PPFIBP1: variants seen among roughly 807,000 people sequenced by gnomAD.
PPFIBP1 encodes the protein liprin-beta-1.
A neutral mutation model predicts 137.8 loss-of-function variants in PPFIBP1; 112 were observed. The observed-to-expected ratio is 0.81, with a 90% CI of 0.70 to 0.95. PPFIBP1 has a LOEUF of 0.95. PPFIBP1 is among the 40% of genes least tolerant of loss of function. PPFIBP1 has a pLI of 0.00. For synonymous variants in PPFIBP1, 378 were observed against 417.3 expected, an observed-to-expected ratio of 0.91 and a Z score of 1.15; for missense variants, 1,083 against 1,196.6, an observed-to-expected ratio of 0.91 and a Z score of 1.40.
At chr12:27,676,830 C>G (rs2060543256) in intron 18 of PPFIBP1, 1 of 720,142 alleles carries the variant, frequency 1.4e-6, no homozygotes, top group African/African-American at 1.7e-5. Context: ...GCGGAAAGAC[C>G]TAAAATCATG....
chr12:27,527,150 A>C (rs1943849010), intron 1 of PPFIBP1, among the ~76,000 whole-genome samples: 2 of 152,182 alleles, frequency 1.3e-5, no homozygotes, highest in South Asian at 4.1e-4. Context: ...TATGTTGATA[A>C]TTTGTTACAT....
At chr12:27,596,351 G>A (rs2053307230) in intron 2 of PPFIBP1, among the ~76,000 whole-genome samples, 1 of 152,056 alleles carries the variant, frequency 6.6e-6, no homozygotes, top group South Asian at 2.1e-4. Flanking sequence ...AGAAGAAATA[G>A]GCAGAGTTAT....
intron 24 of PPFIBP1, among the ~76,000 whole-genome samples, chr12:27,685,764 T>C (rs2113876): frequency 0.86 from 131,190 of 152,080 alleles, 56,753 homozygotes; most frequent in Admixed American, 0.88. Flanking sequence ...TTAGTCTTGA[T>C]GAATGTAATC....
At chr12:27,578,435 T>A (rs2050751562) in intron 2 of PPFIBP1, among the ~76,000 whole-genome samples, 196 bp downstream of exon 2, 1 of 152,180 alleles carries the variant, frequency 6.6e-6, no homozygotes, top group South Asian at 2.1e-4. Context: ...ATAACATAGG[T>A]GGCTGTAGGA....
intron 2 of PPFIBP1, among the ~76,000 whole-genome samples, chr12:27,612,943 ATCATCATC>A (rs2055317139): frequency 1.3e-5 from 2 of 151,708 alleles, no homozygotes; most frequent in Non-Finnish European, 2.9e-5. Flanking sequence ...CATCATCATC[ATCATCATC>A]ATCATCATCA....
At chr12:27,558,262 T>TGTTTTG (rs369035332) in intron 1 of PPFIBP1, among the ~76,000 whole-genome samples, 3 of 148,176 alleles carry the variant, frequency 2.0e-5, no homozygotes, top group Non-Finnish European at 4.5e-5. Context: ...CTGGGTTTTT[T>TGTTTTG]TTTTGTTTTG....
intron 2 of PPFIBP1, among the ~76,000 whole-genome samples, chr12:27,583,492 G>T (rs1311983869): frequency 1.3e-5 from 2 of 152,146 alleles, no homozygotes; most frequent in Admixed American, 1.3e-4. Flanking sequence ...ATTAAAGAAT[G>T]CATTATTTGC....
chr12:27,694,861 A>G lies in PPFIBP1; in HGVS notation c.*1979A>G, dbSNP rs2061701543. On this transcript the variant is annotated 3_prime_UTR_variant, in exon 30 of 30. Coordinates refer to ENST00000228425, the MANE Select transcript of PPFIBP1 (RefSeq NM_003622.4). Reference sequence around the variant, plus strand: ...TGATTATAAACTGTATTTGAATATCAGTGGTATTATCTTTTAAGTTGTCAG... The same window carrying G: ...TGATTATAAACTGTATTTGAATATCGGTGGTATTATCTTTTAAGTTGTCAG... The G allele has an allele frequency of 6.6e-6, 1 of 152,230 alleles. No individual in the cohort carries two copies. The highest frequency in any genetic ancestry group is 2.1e-4 in the South Asian group (1 of 4,830). 9.4% of individuals were successfully genotyped at this position (152,230 alleles called of 1,614,324 possible).
intron 26 of PPFIBP1, among the ~76,000 whole-genome samples, 178 bp from the exon 27 acceptor site, chr12:27,688,837 A>G (rs1484389936): frequency 1.3e-5 from 2 of 152,158 alleles, no homozygotes; most frequent in Admixed American, 6.5e-5. Context: ...AACTTGGGAG[A>G]AATGGAGAAA....
At chr12:27,637,658 G>T (rs1324401639) in intron 4 of PPFIBP1, among the ~76,000 whole-genome samples, 1 of 152,102 alleles carries the variant, frequency 6.6e-6, no homozygotes, top group Non-Finnish European at 1.5e-5. Context: ...AAAGAAGAAA[G>T]ACAGCAAAAG....
intron 11 of PPFIBP1, among the ~76,000 whole-genome samples, chr12:27,662,250 G>A (rs533766070): frequency 3.1e-4 from 47 of 152,338 alleles, no homozygotes; most frequent in African/African-American, 7.0e-4. Flanking sequence ...TTGAAACAGC[G>A]CAGTGCATGC....
At chr12:27,675,141 C>T (rs1038710894) in intron 17 of PPFIBP1, among the ~76,000 whole-genome samples, 6 of 152,038 alleles carry the variant, frequency 3.9e-5, no homozygotes, top group Non-Finnish European at 5.9e-5. Context: ...TGTGCCTGTT[C>T]TGTCCTCTGA....
intron 17 of PPFIBP1, among the ~76,000 whole-genome samples, chr12:27,675,082 T>A (rs2060437717): frequency 6.6e-6 from 1 of 151,620 alleles, no homozygotes; most frequent in East Asian, 1.9e-4. Flanking sequence ...GCTCAAGTAA[T>A]CCTCCCACCT....
At chr12:27,681,783 C>A in intron 22 of PPFIBP1, 87 bp downstream of exon 22, 1 of 1,444,450 alleles carries the variant, frequency 6.9e-7, no homozygotes, top group Non-Finnish European at 9.4e-7. Flanking sequence ...CAGAAAGGGC[C>A]ATGAGTGAAG....
intron 2 of PPFIBP1, among the ~76,000 whole-genome samples, chr12:27,587,639 A>AC (rs1421892336): frequency 6.6e-6 from 1 of 151,438 alleles, no homozygotes; most frequent in African/African-American, 2.4e-5. Context: ...AAAAAAAAAA[A>AC]AAAAGATATT....
chr12:27,681,593 A>G lies in PPFIBP1; in HGVS notation c.1943A>G (p.Asn648Ser), dbSNP rs758345771. The G allele has an allele frequency of 5.0e-6, 8 of 1,614,030 alleles. No individual in the cohort carries two copies. In the African/African-American group the frequency reaches 6.7e-5, roughly 13 times the overall value. Residue 648 changes from asparagine to serine, a missense_variant, in exon 22 of 30, where the codon AAT (asparagine) becomes AGT (serine). By Grantham distance (46) the Asn-to-Ser change is conservative. Transcript: ENST00000228425. Reference protein sequence around the residue: ...FAKWTKEQVCNWLMEQGLGSY... With the variant: ...FAKWTKEQVCSWLMEQGLGSY... Reference sequence around the variant, plus strand: ...AAGTGGACCAAGGAGCAGGTTTGCAATTGGCTGATGGAACAGGGCTTGGGC... The same window carrying G: ...AAGTGGACCAAGGAGCAGGTTTGCAGTTGGCTGATGGAACAGGGCTTGGGC...
chr12:27,678,787 G>A (rs2060680540), intron 19 of PPFIBP1, among the ~76,000 whole-genome samples: 1 of 147,184 alleles, frequency 6.8e-6, no homozygotes, highest in Non-Finnish European at 1.5e-5. Flanking sequence ...AACCCAGTAG[G>A]CGGAGGTTGC....
chr12:27,625,306 A>G (rs1436406060), intron 2 of PPFIBP1, among the ~76,000 whole-genome samples: 1 of 152,118 alleles, frequency 6.6e-6, no homozygotes, highest in Non-Finnish European at 1.5e-5. Context: ...ACCACCACCC[A>G]TTTTCAACAA....
chr12:27,610,434 G>A (rs1011816055), intron 2 of PPFIBP1, among the ~76,000 whole-genome samples: 1 of 152,132 alleles, frequency 6.6e-6, no homozygotes. Flanking sequence ...CTAGCTGCTG[G>A]CATCTAAGTT....
Sources: allele counts gnomAD v4.1 joint callset (sites outside exome capture counted in the v4.1 genomes callset), GRCh38; gene constraint gnomAD v4.1.1; transcripts MANE v1.5; gene names NCBI Gene and HGNC (gene_info 2026-07-23, HGNC 2026-07-21).